CASZ1: variants seen among roughly 807,000 people sequenced by gnomAD.
The protein encoded by CASZ1 is zinc finger protein castor homolog 1.
A neutral mutation model predicts 135.2 loss-of-function variants in CASZ1; 28 were observed. That is an observed-to-expected ratio of 0.21 (90% CI 0.15 to 0.28). The LOEUF (loss-of-function observed/expected upper bound fraction) is 0.28, where lower values mean the gene tolerates loss of function less well. Ranked by LOEUF, CASZ1 falls within the 10% of genes least tolerant of loss-of-function variation. CASZ1 has a pLI of 1.00. For synonymous variants in CASZ1, 1,068 were observed against 1,073.4 expected (o/e 0.99, Z 0.10); for missense variants, 2,161 against 2,453.3 (o/e 0.88, Z 2.52).
chr1:10,642,744 G>A, intron 20 of CASZ1, 115 bp downstream of exon 20: 1 of 1,205,748 alleles, frequency 8.3e-7, no homozygotes, highest in Non-Finnish European at 1.1e-6. Context: ...CTGCACGCCA[G>A]CCTGTCCTCC....
At chr1:10,749,927 G>A (rs886981266) in intron 2 of CASZ1, among the ~76,000 whole-genome samples, 4 of 152,186 alleles carry the variant, frequency 2.6e-5, no homozygotes, top group African/African-American at 7.2e-5. Context: ...ACGGGTCTCC[G>A]GAGCATCACA....
chr1:10,699,838 G>C lies in CASZ1; in HGVS notation c.-24+5654C>G, dbSNP rs1228173914. ...GCGACGGTTTCACATTAATTTCCCA[G>C]TTTTTGTGAGTTCAAGAGTGTGGCC... On this transcript the variant is annotated intron_variant, in intron 3 of 20. Transcript: ENST00000377022. The surrounding 1 kb of genome is among the most constrained non-coding windows in gnomAD (Gnocchi z 4.6). 6.6e-6 allele frequency among the ~76,000 whole-genome samples: 1 copy of C among 151,896 alleles called. No individual in the cohort carries two copies. Among genetic ancestry groups the C allele is most frequent in the Non-Finnish European group, 1.5e-5 (1 of 68,010 alleles).
In CASZ1 at chr1:10,648,120, C is replaced by T. The variant is rs893667320; in HGVS notation, c.3178G>A (p.Gly1060Arg). 7.2e-6 allele frequency: 11 copies of T among 1,535,594 alleles called. No individual in the cohort carries two copies. The East Asian group carries it at 2.4e-4, about 33-fold the overall frequency. Residue 1060 changes from glycine (G) to arginine (R), a missense_variant, in exon 16 of 21, where the codon GGA (glycine) becomes AGA (arginine). Around this residue, in one of 7 missense-constraint regions of CASZ1, gnomAD observed 349 missense variants for 460.8 expected, o/e 0.76. Transcript: ENST00000377022. ...TCTGTGTTTCCTTTTGCTGCTCCTC[C>T]CTCTGTCCGGAAGTGGAAGCTGCGA... The part of the protein sequence containing the change: ...KHANFHFRTE[G>R]GAAKGNTEAA...
chr1:10,728,049 A>G (rs1325712217), intron 2 of CASZ1, among the ~76,000 whole-genome samples: 2 of 152,240 alleles, frequency 1.3e-5, no homozygotes, highest in African/African-American at 4.8e-5. Flanking sequence ...CCGTCAACAC[A>G]TCGCGGTGGT....
At chr1:10,655,595 G>A in intron 9 of CASZ1, 54 bp downstream of exon 9, 1 of 1,531,510 alleles carries the variant, frequency 6.5e-7, no homozygotes, top group East Asian at 2.4e-5. Flanking sequence ...CTCAGAGCCG[G>A]GAGGGCCTGG....
Position 10,694,302 on chromosome 1 carries a change from T to A in CASZ1, c.-23-390A>T. The A allele has an allele frequency of 8.7e-7, 1 of 1,149,662 alleles. No individual in the cohort carries two copies. The highest frequency in any genetic ancestry group is 1.6e-5 in the South Asian group (1 of 61,468). The allele number at this position is 1,149,662 out of a possible 1,614,324, so 71.2% of individuals were successfully genotyped here. ...CGCCCGCGCCCGGTACTCACCATAG[T>A]CGGAGAGTCGAAAGCCGAATTCACT... On this transcript the variant is annotated intron_variant, in intron 3 of 20. Coordinates refer to ENST00000377022, the MANE Select transcript of CASZ1 (RefSeq NM_001079843.3). This position sits in a 1 kb window ranked among gnomAD's most constrained non-coding sequence, Gnocchi z 6.6.
Position 10,776,454 on chromosome 1 carries a change from C to A in CASZ1, c.-233-15597G>T, listed in dbSNP as rs999126810. Among the ~76,000 whole-genome samples the A allele has an allele frequency of 6.6e-6, 1 of 152,226 alleles. No homozygotes were observed. The highest frequency in any genetic ancestry group is 2.4e-5 in the African/African-American group (1 of 41,452). ...TGCCTCTTGTCACAGGGTACCACTTCTCTCCCCTGCTTGTAATTGTCTCAC... is the reference window on the plus strand; with the variant it reads ...TGCCTCTTGTCACAGGGTACCACTTATCTCCCCTGCTTGTAATTGTCTCAC... On this transcript the variant is annotated intron_variant, in intron 1 of 20. Transcript: ENST00000377022. This position sits in a 1 kb window ranked among gnomAD's most constrained non-coding sequence, Gnocchi z 4.1.
chr1:10,784,554 A>ATTTTG (rs892517716), intron 1 of CASZ1, among the ~76,000 whole-genome samples: 16 of 151,882 alleles, frequency 1.1e-4, no homozygotes, highest in South Asian at 2.1e-4. Context: ...CCCAAGAGCT[A>ATTTTG]TTTTGTTTTG....
chr1:10,674,253 T>A lies in CASZ1; in HGVS notation c.17-8682A>T, dbSNP rs1238650226. On this transcript the variant is annotated intron_variant, in intron 4 of 20. Coordinates refer to ENST00000377022, the MANE Select transcript of CASZ1 (RefSeq NM_001079843.3). The stretch of plus-strand genomic sequence containing the variant: ...GACTTCCCCGGAGATGGGAAGACCT[T>A]CTAAGAGGAGGGCCAGTGCCTCCAG... 2.6e-5 allele frequency among the ~76,000 whole-genome samples: 4 copies of A among 152,346 alleles called. No individual in the cohort carries two copies. The East Asian group carries it at 5.8e-4, about 22-fold the overall frequency.
chr1:10,662,509 G>T lies in CASZ1; in HGVS notation c.506-1973C>A, dbSNP rs368032785. Among the ~76,000 whole-genome samples, 36 of 151,058 alleles carry T rather than the reference G, an allele frequency of 2.4e-4. No individual in the cohort carries two copies. In the East Asian group the frequency reaches 4.5e-3, roughly 19 times the overall value. ...CATCACATACATAAACCCACACACG[G>T]TCACATGCACACAGTCACACACAAC... On this transcript the variant is annotated intron_variant, in intron 5 of 20. Coordinates refer to ENST00000377022, the MANE Select transcript of CASZ1 (RefSeq NM_001079843.3).
At chr1:10,688,436 G>C (rs1047607851) in intron 4 of CASZ1, among the ~76,000 whole-genome samples, 1 of 152,200 alleles carries the variant, frequency 6.6e-6, no homozygotes, top group Non-Finnish European at 1.5e-5. Flanking sequence ...CTTGGAGGGA[G>C]GGGGAGGACA....
At chr1:10,645,803 G>A (rs72858516) in intron 17 of CASZ1, among the ~76,000 whole-genome samples, 6,344 of 152,206 alleles carry the variant, frequency 0.042, 183 homozygotes, top group South Asian at 0.12. Flanking sequence ...GGGCCTGTTC[G>A]AAAATTCTAG....
At chr1:10,750,238 G>A (rs1640125437) in intron 2 of CASZ1, among the ~76,000 whole-genome samples, 1 of 152,146 alleles carries the variant, frequency 6.6e-6, no homozygotes. Flanking sequence ...CATGAGGCCT[G>A]GCTAGTGACG....
intron 2 of CASZ1, among the ~76,000 whole-genome samples, chr1:10,722,687 CTGCCCCCAGCAGAGCCGTGG>C (rs1168212009): frequency 6.6e-6 from 1 of 152,242 alleles, no homozygotes; most frequent in Non-Finnish European, 1.5e-5. Context: ...GGCTCCATGT[CTGCCCCCAGCAGAGCCGTGG>C]TGGTGGCTGA....
rs542295753 is a variant in CASZ1, at chr1:10,657,596, C to T, written c.1410-860G>A. On this transcript the variant is annotated intron_variant, in intron 7 of 20. Transcript: ENST00000377022. The surrounding 1 kb of genome is among the most constrained non-coding windows in gnomAD (Gnocchi z 5.7). The stretch of plus-strand genomic sequence containing the variant: ...TAATAATACCACAGAGGAGACAGCA[C>T]GGGGCAGAGCTGAAGACAGAGTGGG... 2.6e-5 allele frequency among the ~76,000 whole-genome samples: 4 copies of T among 152,064 alleles called. No individual in the cohort carries two copies. The highest frequency in any genetic ancestry group is 2.1e-4 in the South Asian group (1 of 4,808).
rs112090348 is a variant in CASZ1 at position 10,686,167 on chromosome 1, A to G, written c.16+7707T>C. Among the ~76,000 whole-genome samples the G allele has an allele frequency of 3.1e-3, 465 of 150,836 alleles. 4 individuals carry two copies. Among genetic ancestry groups the G allele is most frequent in the African/African-American group, 0.011 (440 of 40,268 alleles). ...CCTGGCCGTCCTCTCCTCTCCTTAC[A>G]TGCCCTTGGCCGAACCACTGTACTC... On this transcript the variant is annotated intron_variant, in intron 4 of 20. Coordinates refer to ENST00000377022, the MANE Select transcript of CASZ1 (RefSeq NM_001079843.3).
intron 4 of CASZ1, among the ~76,000 whole-genome samples, chr1:10,689,983 G>A (rs899925606): frequency 1.3e-5 from 2 of 152,180 alleles, no homozygotes; most frequent in African/African-American, 4.8e-5. Flanking sequence ...TGCCAAGATG[G>A]CCCCAGAGCA....
At chr1:10,683,244 AAGGGC>A (rs1638483076) in intron 4 of CASZ1, among the ~76,000 whole-genome samples, 1 of 151,934 alleles carries the variant, frequency 6.6e-6, no homozygotes, top group African/African-American at 2.4e-5. Context: ...GGTGTGGGGG[AAGGGC>A]AGCACAAATC....
chr1:10,647,363 G>T lies in CASZ1; in HGVS notation c.3497+438C>A, dbSNP rs1570404041. ...CAGACCACTGTGCAGGCCAGTGACG[G>T]CCTGGAGGGGCCTGGCCCCTACCCG... On this transcript the variant is annotated intron_variant, in intron 16 of 20. Transcript: ENST00000377022. This position sits in a 1 kb window ranked among gnomAD's most constrained non-coding sequence, Gnocchi z 4.9. The T allele has an allele frequency of 1.9e-6, 2 of 1,051,836 alleles. No individual in the cohort carries two copies. Among genetic ancestry groups the T allele is most frequent in the Admixed American group, 4.9e-5 (1 of 20,216 alleles). 65.2% of individuals were successfully genotyped at this position (1,051,836 alleles called of 1,614,324 possible). A position where few individuals can be genotyped will look rare whatever the true frequency, so the allele number is the denominator to read the frequency against.
Sources: allele counts gnomAD v4.1 joint callset (sites outside exome capture counted in the v4.1 genomes callset), GRCh38; gene constraint gnomAD v4.1.1; regional missense constraint gnomAD v4.1.1; non-coding constraint Gnocchi (gnomAD v3.1); transcripts MANE v1.5; gene names NCBI Gene and HGNC (gene_info 2026-07-23, HGNC 2026-07-21).